Variants in NFIL3 observed in about 807,000 individuals in gnomAD.
The protein encoded by NFIL3 is nuclear factor interleukin-3-regulated protein.
In NFIL3, 5 loss-of-function variants were observed where a neutral mutation model predicts 10.0. The ratio of observed to expected loss-of-function variants is 0.50; its 90% CI spans 0.26 to 1.06. The LOEUF is 1.06. Among genes scored for constraint, NFIL3 ranks in the 50% least tolerant of loss-of-function variants. The pLI is 0.13. For missense variants in NFIL3, 436 were observed against 547.6 expected, an observed-to-expected ratio of 0.80 and a Z score of 2.03; for synonymous variants, 202 against 206.5, an observed-to-expected ratio of 0.98 and a Z score of 0.19.
chr9:91,456,861 A>C, the NFIL3 span, among the ~76,000 whole-genome samples: 1 of 152,058 alleles, frequency 6.6e-6, no homozygotes, highest in Non-Finnish European at 1.5e-5. Context: ...TTTTGAATTA[A>C]CATTTTATAT....
the NFIL3 span, among the ~76,000 whole-genome samples, chr9:91,444,350 TTATC>T: frequency 6.6e-6 from 1 of 152,230 alleles, no homozygotes; most frequent in African/African-American, 2.4e-5. Flanking sequence ...TTTCATTGAA[TTATC>T]TATCTGTATT....
chr9:91,447,917 A>G, the NFIL3 span, among the ~76,000 whole-genome samples: 12 of 152,180 alleles, frequency 7.9e-5, no homozygotes, highest in African/African-American at 2.9e-4. Flanking sequence ...GCCAAATCCA[A>G]GGTGTTGAAG....
chr9:91,480,064 C>T, the NFIL3 span, among the ~76,000 whole-genome samples: 1 of 152,042 alleles, frequency 6.6e-6, no homozygotes, highest in South Asian at 2.1e-4. Flanking sequence ...GTGTTGATCT[C>T]GCTGGGAGCT....
At chr9:91,411,831 G>A (rs1051404645) in intron 1 of NFIL3, among the ~76,000 whole-genome samples, 5 of 152,014 alleles carry the variant, frequency 3.3e-5, no homozygotes, top group African/African-American at 4.8e-5. Flanking sequence ...GGCGGGGCAC[G>A]GTGGCTCACA....
At chr9:91,424,546 C>G (rs922801977), upstream of NFIL3, among the ~76,000 whole-genome samples, 2 of 152,322 alleles carry the variant, frequency 1.3e-5, no homozygotes, top group African/African-American at 4.8e-5. Flanking sequence ...ATTAAAATGT[C>G]CCGGCGCCTC....
At chr9:91,418,440 G>A (rs1167926921) in intron 1 of NFIL3, among the ~76,000 whole-genome samples, 1 of 152,194 alleles carries the variant, frequency 6.6e-6, no homozygotes, top group Non-Finnish European at 1.5e-5. Context: ...CAAAAATGGT[G>A]GGCTAAGGGG....
the NFIL3 span, among the ~76,000 whole-genome samples, chr9:91,475,771 A>C: frequency 6.6e-6 from 1 of 152,232 alleles, no homozygotes; most frequent in East Asian, 1.9e-4. Context: ...AAGTTTTAAA[A>C]ATTATTAAGG....
the NFIL3 span, among the ~76,000 whole-genome samples, chr9:91,446,076 T>A: frequency 6.6e-6 from 1 of 152,156 alleles, no homozygotes; most frequent in East Asian, 1.9e-4. Flanking sequence ...TCTGGGGTAG[T>A]GCAGTGTGTA....
At chr9:91,444,849 G>A in the NFIL3 span, among the ~76,000 whole-genome samples, 1 of 152,164 alleles carries the variant, frequency 6.6e-6, no homozygotes, top group East Asian at 1.9e-4. Context: ...TAGCTGAAGT[G>A]TCTTAGCTGA....
the NFIL3 span, among the ~76,000 whole-genome samples, chr9:91,474,431 C>G: frequency 6.6e-6 from 1 of 152,106 alleles, no homozygotes. Context: ...GCACTAGTTC[C>G]CATGAAGGCT....
the NFIL3 span, among the ~76,000 whole-genome samples, chr9:91,431,580 G>A: frequency 6.6e-6 from 1 of 152,184 alleles, no homozygotes; most frequent in African/African-American, 2.4e-5. Context: ...CAAAGGGTGT[G>A]TATTCATCCC....
chr9:91,480,257 G>A, the NFIL3 span, among the ~76,000 whole-genome samples: 34 of 151,920 alleles, frequency 2.2e-4, 1 homozygote, highest in South Asian at 6.0e-3. Flanking sequence ...TGAATAGCCA[G>A]GAAAAAGTTC....
Position 91,409,471 on chromosome 9 carries a change from C to T in NFIL3, c.1264G>A (p.Gly422Ser). The change falls in exon 2 of 2, where the codon GGC becomes AGC. Residue 422 changes from glycine (G) to serine (S), a missense_variant. Gly to Ser is a moderately conservative substitution (Grantham distance 56, BLOSUM62 0). Around this residue, in one of 3 missense-constraint regions of NFIL3, gnomAD observed 338 missense variants for 399.9 expected, o/e 0.85. Coordinates refer to ENST00000297689, the MANE Select transcript of NFIL3 (RefSeq NM_005384.3). ...KTGVVEMKDSGYKVSDPENLY... is the reference protein window; with the variant it reads ...KTGVVEMKDSSYKVSDPENLY... The stretch of plus-strand genomic sequence containing the variant: ...TTCTCTGGGTCAGAAACTTTGTAGC[C>T]ACTGTCTTTCATTTCAACAACTCCA... 3 of 1,614,162 alleles carry T rather than the reference C, an allele frequency of 1.9e-6. No homozygotes were observed. The highest frequency in any genetic ancestry group is 2.2e-5 in the East Asian group (1 of 44,886).
At chr9:91,455,398 GTTTA>G in the NFIL3 span, among the ~76,000 whole-genome samples, 2 of 151,922 alleles carry the variant, frequency 1.3e-5, no homozygotes, top group East Asian at 3.9e-4. Context: ...CATTTTATTT[GTTTA>G]TTTATTTATT....
At chr9:91,458,586 C>G in the NFIL3 span, among the ~76,000 whole-genome samples, 23 of 151,834 alleles carry the variant, frequency 1.5e-4, no homozygotes, top group African/African-American at 5.6e-4. Context: ...CTCAAAGAAC[C>G]AGCTTTTGGT....
chr9:91,459,794 G>C, the NFIL3 span, among the ~76,000 whole-genome samples: 1 of 152,136 alleles, frequency 6.6e-6, no homozygotes, highest in African/African-American at 2.4e-5. Context: ...ATTAATATTT[G>C]CATTTCAAAT....
chr9:91,417,432 C>G (rs1282373227), intron 1 of NFIL3, among the ~76,000 whole-genome samples: 1 of 151,906 alleles, frequency 6.6e-6, no homozygotes, highest in Admixed American at 6.5e-5. Flanking sequence ...TCTCTTTATA[C>G]TTTTAAAGTA....
At chr9:91,435,456 C>T in the NFIL3 span, among the ~76,000 whole-genome samples, 2 of 152,130 alleles carry the variant, frequency 1.3e-5, no homozygotes, top group Non-Finnish European at 2.9e-5. Context: ...AATTCAAATT[C>T]TATGGTACAT....
the NFIL3 span, among the ~76,000 whole-genome samples, chr9:91,436,124 G>C: frequency 6.6e-6 from 1 of 152,224 alleles, no homozygotes; most frequent in Non-Finnish European, 1.5e-5. Context: ...TGCTGTCTCT[G>C]CTGTAGGACA....
Sources: gnomAD v4.1 joint callset for allele counts (sites outside exome capture counted in the v4.1 genomes callset) on GRCh38, gnomAD v4.1.1 for gene constraint, gnomAD v4.1.1 regional missense constraint, MANE v1.5 for transcripts, NCBI Gene and HGNC (gene_info 2026-07-23, HGNC 2026-07-21) for gene names.